Variants in PUM1 observed in about 807,000 individuals in gnomAD.
PUM1 encodes the protein pumilio RNA binding family member 1, also known as pumilio homolog 1.
PUM1 carries 13 observed loss-of-function variants against 131.8 expected under a neutral mutation model. That is an observed-to-expected ratio of 0.10 (90% CI 0.06 to 0.16). The LOEUF is 0.16. Ranked by LOEUF, PUM1 falls within the 10% of genes least tolerant of loss-of-function variation. The pLI is 1.00. For synonymous variants in PUM1, 509 were observed against 556.5 expected, an observed-to-expected ratio of 0.91 and a Z score of 1.20; for missense variants, 961 against 1,512.4, an observed-to-expected ratio of 0.64 and a Z score of 6.05.
At chr1:31,049,314 G>A (rs572918989) in intron 2 of PUM1, among the ~76,000 whole-genome samples, 4 of 151,282 alleles carry the variant, frequency 2.6e-5, no homozygotes, top group South Asian at 2.1e-4. Context: ...TCAGGAGTTC[G>A]AGACCAGCCT....
At position 31,028,784 on chromosome 1, in the gene PUM1, C is replaced by CAG. The variant is rs1452071291; in HGVS notation, c.432+10_432+11dup. 2.5e-6 allele frequency: 4 copies of CAG among 1,608,730 alleles called. No individual in the cohort carries two copies. The highest frequency in any genetic ancestry group is 3.4e-6 in the Non-Finnish European group (4 of 1,175,220). ...AAACAGACCCACTTTTCTGACACAC[C>CAG]AGTTCACTTACCTCTCCCATCGCTC... On this transcript the variant is annotated intron_variant, in intron 3 of 21. Transcript: ENST00000426105.
intron 2 of PUM1, among the ~76,000 whole-genome samples, chr1:31,029,940 G>A (rs1433617055): frequency 6.6e-6 from 1 of 150,492 alleles, no homozygotes. Context: ...AAAAGGCTGG[G>A]CGCAGTGGCT....
chr1:31,002,099 TG>T, intron 5 of PUM1, among the ~76,000 whole-genome samples: 1 of 152,212 alleles, frequency 6.6e-6, no homozygotes, highest in East Asian at 1.9e-4. Context: ...TGTTGAGTTT[TG>T]ATTATTCTCA....
intron 17 of PUM1, 54 bp from the exon 18 acceptor site, chr1:30,945,537 AAAT>A: frequency 6.3e-7 from 1 of 1,593,138 alleles, no homozygotes; most frequent in South Asian, 1.1e-5. Flanking sequence ...ACATGTGGAC[AAAT>A]AATATTCTTT....
At chr1:30,992,730 A>C in intron 6 of PUM1, 70 bp from the exon 7 acceptor site, 1 of 1,353,010 alleles carries the variant, frequency 7.4e-7, no homozygotes, top group South Asian at 1.3e-5. Context: ...CCCAAGTTTA[A>C]GGACAATGTC....
chr1:31,036,008 A>C (rs1643598590), intron 2 of PUM1, among the ~76,000 whole-genome samples: 1 of 152,206 alleles, frequency 6.6e-6, no homozygotes, highest in African/African-American at 2.4e-5. Flanking sequence ...CGAGGAAACC[A>C]AGGTTTACAG....
chr1:30,941,558 T>C (rs562902179), intron 19 of PUM1, among the ~76,000 whole-genome samples: 27 of 152,256 alleles, frequency 1.8e-4, no homozygotes, highest in African/African-American at 6.0e-4. Context: ...ATACAAATGG[T>C]TCACTGCACC....
At chr1:30,990,621 T>C (rs1039802246) in intron 7 of PUM1, among the ~76,000 whole-genome samples, 3 of 151,140 alleles carry the variant, frequency 2.0e-5, no homozygotes, top group Non-Finnish European at 2.9e-5. Context: ...CTTAAAGATA[T>C]AGGAGGCTTA....
chr1:30,957,087 T>TACACAC (rs58044891), intron 14 of PUM1, among the ~76,000 whole-genome samples: 4,235 of 139,888 alleles, frequency 0.03, 92 homozygotes, highest in South Asian at 0.065. Flanking sequence ...AGGACATTCA[T>TACACAC]ACACACACAC....
At chr1:31,009,044 G>T (rs954873936) in intron 3 of PUM1, among the ~76,000 whole-genome samples, 1 of 150,930 alleles carries the variant, frequency 6.6e-6, no homozygotes, top group Non-Finnish European at 1.5e-5. Flanking sequence ...TTGGCCGGGC[G>T]TGGTGGTGTG....
intron 18 of PUM1, among the ~76,000 whole-genome samples, chr1:30,943,582 C>T (rs1639550289): frequency 1.3e-5 from 2 of 152,086 alleles, no homozygotes; most frequent in Admixed American, 1.3e-4. Flanking sequence ...AAATGCAATC[C>T]CCTGCTCATG....
Position 30,938,944 on chromosome 1 carries a change from C to CAGAT in PUM1, c.3243-2113_3243-2110dup, listed in dbSNP as rs1296296722. On this transcript the variant is annotated intron_variant, in intron 20 of 21. Coordinates refer to ENST00000426105, the MANE Select transcript of PUM1 (RefSeq NM_001020658.2). Reference sequence around the variant, plus strand: ...ACAGACAGACAGACAGACAGACAGACAGATAGACAGATAGACAGATACATA... The same window carrying CAGAT: ...ACAGACAGACAGACAGACAGACAGACAGATAGATAGACAGATAGACAGATACATA... Among the ~76,000 whole-genome samples, 305 of 149,544 alleles carry CAGAT rather than the reference C, an allele frequency of 2.0e-3. 1 individual carries two copies. The highest frequency in any genetic ancestry group is 7.5e-3 in the East Asian group (38 of 5,044).
intron 2 of PUM1, among the ~76,000 whole-genome samples, chr1:31,058,173 A>G (rs1644289119): frequency 6.6e-6 from 1 of 152,332 alleles, no homozygotes; most frequent in South Asian, 2.1e-4. Context: ...TATCAGTCCC[A>G]TTTCAAATAA....
rs535038980 is a variant in PUM1, at chr1:30,983,624, G to A, written c.1159-2219C>T. Among the ~76,000 whole-genome samples, 14 of 152,022 alleles carry A rather than the reference G, an allele frequency of 9.2e-5. No homozygotes were observed. The South Asian group carries it at 2.5e-3, about 27-fold the overall frequency. ...TATATTTTTGTTTGTTTGAAGAGTCGGAGTCTTACTCTGTCTGTCACCCAG... is the reference window on the plus strand; with the variant it reads ...TATATTTTTGTTTGTTTGAAGAGTCAGAGTCTTACTCTGTCTGTCACCCAG... On this transcript the variant is annotated intron_variant, in intron 7 of 21. Coordinates refer to ENST00000426105, the MANE Select transcript of PUM1 (RefSeq NM_001020658.2).
At chr1:31,059,169 G>C (rs770378515) in intron 2 of PUM1, 35 bp downstream of exon 2, 24 of 1,524,632 alleles carry the variant, frequency 1.6e-5, no homozygotes, top group Non-Finnish European at 2.1e-5. Flanking sequence ...GATTATAAAG[G>C]AATGTCAAAG....
intron 7 of PUM1, among the ~76,000 whole-genome samples, chr1:30,988,011 T>C (rs552340833): frequency 6.6e-6 from 1 of 152,320 alleles, no homozygotes; most frequent in East Asian, 1.9e-4. Context: ...AGTAAATATA[T>C]AATTAACTTT....
intron 20 of PUM1, 76 bp from the exon 21 acceptor site, chr1:30,936,911 G>A (rs570305938): frequency 8.5e-6 from 11 of 1,300,046 alleles, no homozygotes; most frequent in Non-Finnish European, 1.2e-5. Flanking sequence ...CCTAGCTTCT[G>A]CCCTGACCTC....
chr1:30,945,613 G>T, intron 17 of PUM1, 130 bp from the exon 18 acceptor site: 1 of 940,908 alleles, frequency 1.1e-6, no homozygotes, highest in Non-Finnish European at 1.6e-6. Flanking sequence ...AATAGCAGCT[G>T]TGGAACAATG....
At position 30,945,463 on chromosome 1, in the gene PUM1, T is replaced by C; in HGVS notation, c.2877A>G (p.Leu959=). Reference sequence around the variant, plus strand: ...TCACACACTTCAAGACATGGCCATCTAGTTCCCGAACCATCTCATTCTAAT... The same window carrying C: ...TCACACACTTCAAGACATGGCCATCCAGTTCCCGAACCATCTCATTCTAAT... ...QQVINEMVRE[L]DGHVLKCVKD... Residue 959 remains leucine, a synonymous_variant, in exon 18 of 22, where the codon CTA becomes CTG. Coordinates refer to ENST00000426105, the MANE Select transcript of PUM1 (RefSeq NM_001020658.2). The C allele has an allele frequency of 6.2e-7, 1 of 1,614,178 alleles. No homozygotes were observed. Among genetic ancestry groups the C allele is most frequent in the Non-Finnish European group, 8.5e-7 (1 of 1,180,016 alleles).
Sources: allele counts gnomAD v4.1 joint callset (sites outside exome capture counted in the v4.1 genomes callset), GRCh38; gene constraint gnomAD v4.1.1; transcripts MANE v1.5; gene names NCBI Gene and HGNC (gene_info 2026-07-23, HGNC 2026-07-21).